The following BCAP29 variants were observed in gnomAD, a reference collection of about 807,000 sequenced individuals.
BCAP29 encodes the protein B-cell receptor-associated protein 29.
A neutral mutation model predicts 31.8 loss-of-function variants in BCAP29; 34 were observed. The observed-to-expected ratio is 1.07, with a 90% CI of 0.81 to 1.42. BCAP29 has a LOEUF of 1.42. Ranked by LOEUF, BCAP29 falls within the 40% of genes most tolerant of loss-of-function variation. The pLI is 0.00. For synonymous variants in BCAP29, 104 were observed against 91.3 expected (o/e 1.14, Z -0.79); for missense variants, 314 against 269.2 (o/e 1.17, Z -1.16).
intron 3 of BCAP29, among the ~76,000 whole-genome samples, chr7:107,585,603 C>G (rs1807502929): frequency 6.6e-6 from 1 of 152,182 alleles, no homozygotes; most frequent in Admixed American, 6.5e-5. Flanking sequence ...TTATGATCTT[C>G]TAACTCTAAA....
chr7:107,600,191 C>T, intron 5 of BCAP29: 1 of 587,276 alleles, frequency 1.7e-6, no homozygotes, highest in Non-Finnish European at 3.1e-6. Context: ...CAGATTTTGC[C>T]ATAATAGGAA....
At position 107,583,300 on chromosome 7, in the gene BCAP29, TTA is replaced by T. The variant is rs150585484; in HGVS notation, c.93-567_93-566del. 1.7e-4 allele frequency among the ~76,000 whole-genome samples: 26 copies of T among 150,164 alleles called. 1 individual carries two copies. The highest frequency in any genetic ancestry group is 2.7e-4 in the Admixed American group (4 of 15,046). ...CTTTATCTGTAGTAATTACATGGTT[TTA>T]TATATATATATATAGTGTGTGTGTG... On this transcript the variant is annotated intron_variant, in intron 2 of 7. Coordinates refer to ENST00000005259, the MANE Select transcript of BCAP29 (RefSeq NM_018844.4).
intron 1 of BCAP29, 118 bp from the exon 2 acceptor site, chr7:107,580,641 C>A: frequency 1.5e-6 from 1 of 683,970 alleles, no homozygotes; most frequent in Non-Finnish European, 2.4e-6. Flanking sequence ...TGCTTGCCTT[C>A]CCAGGTGGGG....
At chr7:107,596,046 C>T (rs766406352) in intron 5 of BCAP29, 44 bp downstream of exon 5, 5 of 1,488,240 alleles carry the variant, frequency 3.4e-6, no homozygotes, top group South Asian at 2.7e-5. Context: ...TTGGTGTTCC[C>T]GAGGAGTAAT....
At chr7:107,588,624 G>A (rs1051997318) in intron 3 of BCAP29, among the ~76,000 whole-genome samples, 2 of 152,176 alleles carry the variant, frequency 1.3e-5, no homozygotes, top group African/African-American at 4.8e-5. Flanking sequence ...CATACTGGGT[G>A]TGATCACATT....
chr7:107,621,504 TC>T (rs535806798), downstream of BCAP29: 34 of 354,098 alleles, frequency 9.6e-5, no homozygotes, highest in Admixed American at 7.2e-4. Flanking sequence ...CCTATACCAA[TC>T]CCTGGAACCT....
At chr7:107,610,360 C>G (rs143328693) in intron 6 of BCAP29, among the ~76,000 whole-genome samples, 1 of 152,170 alleles carries the variant, frequency 6.6e-6, no homozygotes, top group African/African-American at 2.4e-5. Context: ...CTAAAGCCTC[C>G]TTGTCCAATA....
chr7:107,589,434 A>G (rs531135133), intron 3 of BCAP29, among the ~76,000 whole-genome samples: 7 of 152,348 alleles, frequency 4.6e-5, no homozygotes, highest in Non-Finnish European at 5.9e-5. Context: ...AGATTCTCAT[A>G]AGAAGCATGC....
chr7:107,613,852 A>G (rs1389302604), intron 7 of BCAP29: 1 of 674,504 alleles, frequency 1.5e-6, no homozygotes, highest in Non-Finnish European at 2.5e-6. Flanking sequence ...AGACTTTAGC[A>G]TTCAAATTTA....
rs1814621339 is a variant in BCAP29 at position 107,618,693 on chromosome 7, C to T, written c.*330C>T. On this transcript the variant is annotated 3_prime_UTR_variant, in exon 8 of 8. Coordinates refer to ENST00000005259, the MANE Select transcript of BCAP29 (RefSeq NM_018844.4). ...TTCCAAAATTAGAAGTTTTAAGTTGCATGAAACCATTAATAGCCTTGAAAG... is the reference window on the plus strand; with the variant it reads ...TTCCAAAATTAGAAGTTTTAAGTTGTATGAAACCATTAATAGCCTTGAAAG... 2 of 1,018,006 alleles carry T rather than the reference C, an allele frequency of 2.0e-6. No homozygotes were observed. Among genetic ancestry groups the T allele is most frequent in the African/African-American group, 1.6e-5 (1 of 61,574 alleles). The allele number at this position is 1,018,006 out of a possible 1,614,324, so 63.1% of individuals were successfully genotyped here. A position where few individuals can be genotyped will look rare whatever the true frequency, so the allele number is the denominator to read the frequency against.
chr7:107,618,262 C>G, intron 7 of BCAP29, 66 bp from the exon 8 acceptor site: 1 of 1,184,322 alleles, frequency 8.4e-7, no homozygotes, highest in South Asian at 1.8e-5. Flanking sequence ...TTTTAAAAGT[C>G]CTTGTCATGT....
intron 3 of BCAP29, among the ~76,000 whole-genome samples, chr7:107,591,115 A>C (rs1036007726): frequency 2.0e-5 from 3 of 151,874 alleles, no homozygotes; most frequent in African/African-American, 7.3e-5. Context: ...CATTGCTGAA[A>C]GAAAATCAAA....
chr7:107,605,251 A>T (rs147821134), intron 6 of BCAP29, among the ~76,000 whole-genome samples: 1 of 152,342 alleles, frequency 6.6e-6, no homozygotes, highest in African/African-American at 2.4e-5. Flanking sequence ...CTTATATATT[A>T]TTCACAGTAC....
downstream of BCAP29, chr7:107,622,222 C>T (rs1313361814): frequency 5.7e-6 from 1 of 174,446 alleles, no homozygotes; most frequent in African/African-American, 2.4e-5. Flanking sequence ...TGGTTTAAAA[C>T]AAAAACAAAA....
At chr7:107,582,558 G>A (rs1806896601) in intron 2 of BCAP29, among the ~76,000 whole-genome samples, 1 of 152,100 alleles carries the variant, frequency 6.6e-6, no homozygotes, top group East Asian at 1.9e-4. Flanking sequence ...TACTAACCTT[G>A]GGCATGCTCT....
chr7:107,611,533 G>A (rs554049907), intron 6 of BCAP29, among the ~76,000 whole-genome samples: 4 of 152,250 alleles, frequency 2.6e-5, no homozygotes, highest in Admixed American at 2.6e-4. Flanking sequence ...CAGAAATCCA[G>A]GGTCTTAAAC....
chr7:107,587,507 G>A (rs1196358496), intron 3 of BCAP29: 1 of 152,018 alleles, frequency 6.6e-6, no homozygotes, highest in Non-Finnish European at 1.5e-5. Flanking sequence ...CTCACTATTT[G>A]CCTATTTAAA....
intron 7 of BCAP29, among the ~76,000 whole-genome samples, chr7:107,614,622 A>G (rs1813795712): frequency 6.6e-6 from 1 of 152,258 alleles, no homozygotes; most frequent in South Asian, 2.1e-4. Context: ...GCCTTGGTTT[A>G]GAGCCAGTAA....
At chr7:107,598,354 T>C (rs919419893) in intron 5 of BCAP29, among the ~76,000 whole-genome samples, 2 of 152,224 alleles carry the variant, frequency 1.3e-5, no homozygotes, top group African/African-American at 4.8e-5. Flanking sequence ...TTTGAGAAGA[T>C]ATGAGGCTCC....
Sources: allele counts gnomAD v4.1 joint callset (sites outside exome capture counted in the v4.1 genomes callset), GRCh38; gene constraint gnomAD v4.1.1; transcripts MANE v1.5; gene names NCBI Gene and HGNC (gene_info 2026-07-23, HGNC 2026-07-21).